Variants in FBXL13 observed in about 807,000 individuals in gnomAD.
FBXL13 encodes the protein F-box and leucine-rich repeat protein 13.
FBXL13 carries 67 observed loss-of-function variants against 83.6 expected under a neutral mutation model. The ratio of observed to expected loss-of-function variants is 0.80; its 90% CI spans 0.66 to 0.98. The LOEUF is 0.98. Ranked by LOEUF, FBXL13 falls within the 50% of genes least tolerant of loss-of-function variation. FBXL13 has a pLI of 0.00. For synonymous variants in FBXL13, 272 were observed against 299.5 expected (o/e 0.91, Z 0.95); for missense variants, 822 against 866.5 (o/e 0.95, Z 0.64).
At chr7:102,884,988 C>T (rs1810607128) in intron 11 of FBXL13, among the ~76,000 whole-genome samples, 1 of 152,134 alleles carries the variant, frequency 6.6e-6, no homozygotes, top group Non-Finnish European at 1.5e-5. Flanking sequence ...GTTTTTATGA[C>T]TGAATAATAT....
intron 18 of FBXL13, among the ~76,000 whole-genome samples, chr7:102,831,901 A>G (rs1355822541): frequency 6.6e-6 from 1 of 152,210 alleles, no homozygotes; most frequent in Non-Finnish European, 1.5e-5. Context: ...TCAGTCTACT[A>G]TTATTAATCC....
intron 2 of FBXL13, among the ~76,000 whole-genome samples, chr7:103,041,576 A>C (rs1302479919): frequency 6.6e-6 from 1 of 152,218 alleles, no homozygotes; most frequent in South Asian, 2.1e-4. Flanking sequence ...ATCCTTAATA[A>C]AATACTGGAA....
At position 102,934,275 on chromosome 7, in the gene FBXL13, A is replaced by G. The variant is rs759606557; in HGVS notation, c.725-2342T>C. On this transcript the variant is annotated intron_variant, in intron 8 of 19. Transcript: ENST00000313221. Reference sequence around the variant, plus strand: ...CAGCAGAATGAGATCTCTAAAATTGAGAGTGAGGCGTTCTTTGGTTTAAAC... The same window carrying G: ...CAGCAGAATGAGATCTCTAAAATTGGGAGTGAGGCGTTCTTTGGTTTAAAC... 2.8e-5 allele frequency: 45 copies of G among 1,614,058 alleles called. No homozygotes were observed. In the South Asian group the frequency reaches 4.8e-4, roughly 17 times the overall value.
At chr7:102,900,241 G>T (rs941126302) in intron 11 of FBXL13, among the ~76,000 whole-genome samples, 4 of 152,170 alleles carry the variant, frequency 2.6e-5, no homozygotes, top group African/African-American at 9.6e-5. Flanking sequence ...GGGCATTAAA[G>T]TTTAGTCCAT....
chr7:102,883,489 A>C, intron 13 of FBXL13, 22 bp from the exon 15 acceptor site: 1 of 1,601,538 alleles, frequency 6.2e-7, no homozygotes, highest in Non-Finnish European at 8.5e-7. Flanking sequence ...AAACAGAAGA[A>C]AAGACAAGTA....
intron 17 of FBXL13, among the ~76,000 whole-genome samples, chr7:102,833,222 T>A (rs532576170): frequency 1.3e-5 from 2 of 152,240 alleles, no homozygotes; most frequent in Non-Finnish European, 2.9e-5. Context: ...TTTCTTGAAG[T>A]TAGGTCTAAT....
Position 102,886,979 on chromosome 7 carries a change from G to A in FBXL13, c.1009-2667C>T, listed in dbSNP as rs549934044. On this transcript the variant is annotated intron_variant, in intron 11 of 19. Transcript: ENST00000313221. ...ATTGTGCTACAGAAGCCAGGCCTTT[G>A]GGTGGGATTATACTTGGATAATTTT... 2.0e-5 allele frequency among the ~76,000 whole-genome samples: 3 copies of A among 152,282 alleles called. No homozygotes were observed. In the East Asian group the frequency reaches 5.8e-4, roughly 29 times the overall value.
chr7:102,942,029 G>A (rs2129475625), intron 8 of FBXL13, among the ~76,000 whole-genome samples: 1 of 152,222 alleles, frequency 6.6e-6, no homozygotes, highest in South Asian at 2.1e-4. Context: ...TCCCCTGAAG[G>A]CCTTTTAATC....
chr7:102,851,437 T>TTCCC (rs1554416342), intron 17 of FBXL13, among the ~76,000 whole-genome samples: 1 of 143,984 alleles, frequency 6.9e-6, no homozygotes, highest in Non-Finnish European at 1.5e-5. Flanking sequence ...TCTCTCTTTC[T>TTCCC]TCCCTCCTTC....
chr7:103,066,835 A>G (rs2129503551), intron 1 of FBXL13, among the ~76,000 whole-genome samples: 1 of 144,976 alleles, frequency 6.9e-6, no homozygotes, highest in African/African-American at 2.6e-5. Context: ...CTCATTGCCC[A>G]GGCTGGAGTG....
chr7:102,834,135 AAAG>A (rs1277957932), intron 17 of FBXL13, among the ~76,000 whole-genome samples: 912 of 66,692 alleles, frequency 0.014, 33 homozygotes, highest in South Asian at 0.037. Context: ...AGAAAGAAAG[AAAG>A]AAAAGAGAAG....
chr7:102,832,716 A>G (rs4377880), intron 18 of FBXL13, 124 bp downstream of exon 19: 125,429 of 1,198,828 alleles, frequency 0.1, 7,348 homozygotes, highest in Middle Eastern at 0.18. Flanking sequence ...GAAGAAAAAA[A>G]TCCAATGAAT....
At position 103,055,545 on chromosome 7, in the gene FBXL13, T is replaced by C. The variant is rs546393964; in HGVS notation, c.-1+99A>G. The C allele has an allele frequency of 7.2e-4, 313 of 436,418 alleles. 1 individual carries two copies. The highest frequency in any genetic ancestry group is 6.1e-3 in the African/African-American group (291 of 47,522). 27.0% of individuals were successfully genotyped at this position (436,418 alleles called of 1,614,324 possible). ...AGGGATTCCTTAACAATCTTGAGAT[T>C]GGAAGCATTCATTGGCAAGACCTTA... is the stretch of plus-strand genomic sequence containing the variant. On this transcript the variant is annotated intron_variant, in intron 2 of 19. Transcript: ENST00000313221.
intron 6 of FBXL13, among the ~76,000 whole-genome samples, chr7:103,020,664 A>G (rs912159398): frequency 6.6e-6 from 1 of 152,128 alleles, no homozygotes; most frequent in Non-Finnish European, 1.5e-5. Context: ...TGTGCAAAAA[A>G]CACAAGCATT....
At chr7:102,964,668 G>A (rs1412630816) in intron 7 of FBXL13, among the ~76,000 whole-genome samples, 1 of 152,030 alleles carries the variant, frequency 6.6e-6, no homozygotes, top group Non-Finnish European at 1.5e-5. Flanking sequence ...TTCCCAAAGT[G>A]CTGGGATTAC....
Position 102,992,107 on chromosome 7 carries a change from C to T in FBXL13, c.496-23990G>A, listed in dbSNP as rs142521460. Among the ~76,000 whole-genome samples the T allele has an allele frequency of 4.4e-3, 672 of 152,266 alleles. 2 individuals carry two copies. The highest frequency in any genetic ancestry group is 0.015 in the African/African-American group (632 of 41,550). On this transcript the variant is annotated intron_variant, in intron 6 of 19. Coordinates refer to ENST00000313221, the Ensembl canonical transcript of FBXL13. ...TTAGAGAAATCTGTCTACCTCCAGA[C>T]TTCATCCAACCCCCTTGACCCACCC... is the stretch of plus-strand genomic sequence containing the variant.
rs536003329 is a variant in FBXL13, at chr7:102,934,601, C to G, written c.725-2668G>C. On this transcript the variant is annotated intron_variant, in intron 8 of 19. Coordinates refer to ENST00000313221, the Ensembl canonical transcript of FBXL13. ...CCCGAAACCCCAAGTGTCAGGGAGA[C>G]CCCCAGTCATCAAGCCTGAGGTGGA... 13 of 1,613,764 alleles carry G rather than the reference C, an allele frequency of 8.1e-6. No homozygotes were observed. In the South Asian group the frequency reaches 1.4e-4, roughly 18 times the overall value.
At chr7:102,821,646 G>A (rs1424143732) in intron 19 of FBXL13, among the ~76,000 whole-genome samples, 1 of 152,182 alleles carries the variant, frequency 6.6e-6, no homozygotes, top group Admixed American at 6.5e-5. Context: ...TATCAGGTCA[G>A]TTAAAATACT....
chr7:102,927,566 T>C (rs544463286), intron 9 of FBXL13, among the ~76,000 whole-genome samples: 15 of 152,282 alleles, frequency 9.9e-5, no homozygotes, highest in African/African-American at 2.4e-4. Flanking sequence ...CAGATAGGAA[T>C]TGGTTGATTT....
Sources: allele counts gnomAD v4.1 joint callset (sites outside exome capture counted in the v4.1 genomes callset), GRCh38; gene constraint gnomAD v4.1.1; transcripts MANE v1.5; gene names NCBI Gene and HGNC (gene_info 2026-07-23, HGNC 2026-07-21).